CEP85L: variants seen among roughly 807,000 people sequenced by gnomAD.
CEP85L encodes centrosomal protein 85L.
A neutral mutation model predicts 100.3 loss-of-function variants in CEP85L; 60 were observed. The observed-to-expected ratio is 0.60, with a 90% CI of 0.49 to 0.74. The LOEUF is 0.74. Among genes scored for constraint, CEP85L ranks in the 30% least tolerant of loss-of-function variants. CEP85L has a pLI of 0.00. For missense variants in CEP85L, 973 were observed against 936.2 expected (o/e 1.04, Z -0.51); for synonymous variants, 319 against 322.7 (o/e 0.99, Z 0.12).
intron 6 of CEP85L, among the ~76,000 whole-genome samples, chr6:118,491,277 G>T (rs1774554307): frequency 6.8e-6 from 1 of 147,374 alleles, no homozygotes; most frequent in Admixed American, 6.9e-5. Flanking sequence ...TGTGTATTTG[G>T]TTTTTAGCTT....
intron 2 of CEP85L, among the ~76,000 whole-genome samples, chr6:118,618,580 G>C (rs1773231085): frequency 6.6e-6 from 1 of 152,146 alleles, no homozygotes; most frequent in African/African-American, 2.4e-5. Flanking sequence ...CCTTAGAGCA[G>C]TTGAATTGCT....
At position 118,684,620 on chromosome 6, in the gene CEP85L, G is replaced by A. The variant is rs148105433; in HGVS notation, c.-28+25416C>T. 7.9e-4 allele frequency among the ~76,000 whole-genome samples: 120 copies of A among 152,288 alleles called. No individual in the cohort carries two copies. The East Asian group carries it at 0.015, about 19-fold the overall frequency. On this transcript the variant is annotated intron_variant, in intron 1 of 13. Coordinates refer to the CEP85L transcript ENST00000368488. ...GACCTGCAGGAAATGAAAGCTCAGC[G>A]TTGCTTCTTTTTTCACCGCTCCTGA...
At position 118,485,274 on chromosome 6, in the gene CEP85L, G is replaced by A. The variant is rs1341976316; in HGVS notation, c.1438-1416C>T. Among the ~76,000 whole-genome samples the A allele has an allele frequency of 2.0e-5, 3 of 151,936 alleles. No homozygotes were observed. In the East Asian group the frequency reaches 5.8e-4, roughly 29 times the overall value. ...TTACAGTGTTTTCCCATATTCACTG[G>A]GAAAATAACTGGCAATAATTAGCAG... On this transcript the variant is annotated intron_variant, in intron 6 of 12. Coordinates refer to ENST00000368491, the MANE Select transcript of CEP85L (RefSeq NM_001042475.3).
chr6:118,654,169 T>C (rs137999951), upstream of CEP85L, among the ~76,000 whole-genome samples: 32 of 152,226 alleles, frequency 2.1e-4, no homozygotes, highest in African/African-American at 7.5e-4. Flanking sequence ...ATCCAGTGCT[T>C]TGAGAGACCA....
chr6:118,547,914 A>G (rs899267643), intron 3 of CEP85L, among the ~76,000 whole-genome samples: 9 of 152,112 alleles, frequency 5.9e-5, no homozygotes, highest in Non-Finnish European at 7.4e-5. Flanking sequence ...CAAGAATTCA[A>G]TGAAAGTTGT....
intron 1 of CEP85L, among the ~76,000 whole-genome samples, chr6:118,708,446 A>G (rs1438573954): frequency 6.6e-6 from 1 of 152,204 alleles, no homozygotes; most frequent in Admixed American, 6.5e-5. Context: ...TAACCCATAA[A>G]CTTTTCACGA....
intron 1 of CEP85L, among the ~76,000 whole-genome samples, chr6:118,698,193 A>G (rs1379553427): frequency 6.6e-6 from 1 of 152,208 alleles, no homozygotes; most frequent in Non-Finnish European, 1.5e-5. Context: ...CCCACATAGT[A>G]CTTTTTCCTA....
intron 5 of CEP85L, among the ~76,000 whole-genome samples, chr6:118,509,318 G>A (rs1775835622): frequency 6.6e-6 from 1 of 152,012 alleles, no homozygotes; most frequent in African/African-American, 2.4e-5. Flanking sequence ...GAATGTTAAA[G>A]AGAAATTGAA....
At chr6:118,603,972 A>G (rs1772003567) in intron 2 of CEP85L, among the ~76,000 whole-genome samples, 1 of 152,248 alleles carries the variant, frequency 6.6e-6, no homozygotes, top group Non-Finnish European at 1.5e-5. Context: ...CATAACAATT[A>G]TAAATAACAT....
chr6:118,629,675 C>T (rs556906120), intron 2 of CEP85L, among the ~76,000 whole-genome samples: 1 of 152,256 alleles, frequency 6.6e-6, no homozygotes, highest in East Asian at 1.9e-4. Flanking sequence ...ATACTCTTAC[C>T]ACATGATCCA....
chr6:118,579,895 T>C (rs1219108197), intron 2 of CEP85L, among the ~76,000 whole-genome samples: 1 of 152,230 alleles, frequency 6.6e-6, no homozygotes. Context: ...CCACTCAATA[T>C]GGCAATTCCC....
At chr6:118,478,451 T>A (rs1467872864) in intron 10 of CEP85L, among the ~76,000 whole-genome samples, 1 of 152,152 alleles carries the variant, frequency 6.6e-6, no homozygotes, top group Non-Finnish European at 1.5e-5. Context: ...ATTGTCTGTC[T>A]CTGTGACCTG....
intron 2 of CEP85L, among the ~76,000 whole-genome samples, chr6:118,628,832 G>A (rs1773968779): frequency 6.6e-6 from 1 of 152,124 alleles, no homozygotes; most frequent in South Asian, 2.1e-4. Context: ...ATTGGTTATA[G>A]CAATGATTTT....
chr6:118,511,687 C>T (rs1033552245), intron 4 of CEP85L, among the ~76,000 whole-genome samples: 1 of 152,048 alleles, frequency 6.6e-6, no homozygotes, highest in African/African-American at 2.4e-5. Flanking sequence ...TTTATTAACT[C>T]TCATGATGAA....
intron 2 of CEP85L, among the ~76,000 whole-genome samples, chr6:118,630,828 ACCT>A (rs928734712): frequency 6.6e-6 from 1 of 152,104 alleles, no homozygotes; most frequent in African/African-American, 2.4e-5. Flanking sequence ...GCTGAGCACC[ACCT>A]CCTGTCAGAT....
chr6:118,651,468 A>ATGGCCAAGCCGGC lies in CEP85L; in HGVS notation c.-212_-200dup. On this transcript the variant is annotated 5_prime_UTR_variant, in exon 1 of 13. The change creates a new upstream start codon in the 5' untranslated region. Coordinates refer to ENST00000368491, the MANE Select transcript of CEP85L (RefSeq NM_001042475.3). ...ATTCGCCGCACTGCCGGCGCCTGCC[A>ATGGCCAAGCCGGC]TGGCCAAGCCGGCTGGGCTGAGGCC... is the stretch of plus-strand genomic sequence containing the variant. 1 of 1,316,246 alleles carries ATGGCCAAGCCGGC rather than the reference A, an allele frequency of 7.6e-7. No homozygotes were observed. Among genetic ancestry groups the ATGGCCAAGCCGGC allele is most frequent in the East Asian group, 3.2e-5 (1 of 31,496 alleles). 81.5% of individuals were successfully genotyped at this position (1,316,246 alleles called of 1,614,324 possible). A position where few individuals can be genotyped will look rare whatever the true frequency, so the allele number is the denominator to read the frequency against.
chr6:118,598,794 T>G (rs1375852168), intron 2 of CEP85L, among the ~76,000 whole-genome samples: 1 of 152,212 alleles, frequency 6.6e-6, no homozygotes, highest in Non-Finnish European at 1.5e-5. Flanking sequence ...CCTAGGAAAC[T>G]AATACAGGGG....
Position 118,632,532 on chromosome 6 carries a change from A to G in CEP85L, c.153T>C (p.Asn51=). 3 of 1,613,294 alleles carry G rather than the reference A, an allele frequency of 1.9e-6. No individual in the cohort carries two copies. Among genetic ancestry groups the G allele is most frequent in the Non-Finnish European group, 2.5e-6 (3 of 1,179,670 alleles). ...CTATACTGTGTCTCCTGATATGGTT[A>G]TTTCGATGGTTAGATGGAACAGTTG... The part of the protein sequence containing the change: ...QATTVPSNHR[N]NHIRRHSIAS... The change falls in exon 2 of 13, where the codon AAT becomes AAC. Residue 51 remains asparagine, a synonymous_variant. Transcript: ENST00000368491.
intron 1 of CEP85L, among the ~76,000 whole-genome samples, chr6:118,697,373 A>G (rs1225172170): frequency 6.6e-6 from 1 of 152,122 alleles, no homozygotes; most frequent in Admixed American, 6.5e-5. Flanking sequence ...TTATCTTTCC[A>G]CTTCCATGAA....
Sources: gnomAD v4.1 joint callset for allele counts (sites outside exome capture counted in the v4.1 genomes callset) on GRCh38, gnomAD v4.1.1 for gene constraint, MANE v1.5 for transcripts, NCBI Gene and HGNC (gene_info 2026-07-23, HGNC 2026-07-21) for gene names.